The following PCDHA8 variants were observed in gnomAD, a reference collection of about 807,000 sequenced individuals.
PCDHA8 encodes the protein protocadherin alpha-8.
Under a neutral mutation model 61.8 loss-of-function variants are expected in PCDHA8, and 53 were observed. The ratio of observed to expected loss-of-function variants is 0.86; its 90% CI spans 0.69 to 1.08. The LOEUF (loss-of-function observed/expected upper bound fraction) is 1.08, where lower values mean the gene tolerates loss of function less well. Ranked by LOEUF, PCDHA8 falls within the 50% of genes least tolerant of loss-of-function variation. PCDHA8 has a pLI of 0.00. For missense variants in PCDHA8, 1,293 were observed against 1,245.0 expected (o/e 1.04, Z -0.58); for synonymous variants, 618 against 556.6 (o/e 1.11, Z -1.55).
chr5:140,875,009 G>A (rs1238943643), intron 1 of PCDHA8, among the ~76,000 whole-genome samples: 2 of 152,216 alleles, frequency 1.3e-5, no homozygotes, highest in Admixed American at 6.5e-5. Flanking sequence ...CCATGATAAA[G>A]TGTAGGTTCT....
At chr5:140,993,103 G>A (rs2097540365) in intron 3 of PCDHA8, among the ~76,000 whole-genome samples, 1 of 152,218 alleles carries the variant, frequency 6.6e-6, no homozygotes, top group East Asian at 1.9e-4. Context: ...TTTATTCAGC[G>A]GTCAGTGTCA....
intron 1 of PCDHA8, chr5:140,966,954 G>T (rs782541612): frequency 6.2e-7 from 1 of 1,601,606 alleles, no homozygotes; most frequent in Non-Finnish European, 8.5e-7. Flanking sequence ...AACGTGGCTC[G>T]CGCGCTGGGG....
chr5:140,882,562 G>A, intron 1 of PCDHA8: 1 of 1,614,252 alleles, frequency 6.2e-7, no homozygotes, highest in Non-Finnish European at 8.5e-7. Flanking sequence ...TGTGTGGGCG[G>A]AGCGCGGAGT....
intron 1 of PCDHA8, chr5:140,877,968 C>A: frequency 7.9e-7 from 1 of 1,272,970 alleles, no homozygotes; most frequent in Non-Finnish European, 1.0e-6. Context: ...CTTTCTTGGT[C>A]ATTCTTACTC....
chr5:140,863,564 A>G (rs1426185409), intron 1 of PCDHA8: 3 of 374,440 alleles, frequency 8.0e-6, no homozygotes, highest in Non-Finnish European at 1.6e-5. Context: ...ATTTTTGAGA[A>G]TATAAGTACT....
At chr5:140,875,516 T>G in intron 1 of PCDHA8, 1 of 1,613,976 alleles carries the variant, frequency 6.2e-7, no homozygotes, top group Non-Finnish European at 8.5e-7. Context: ...CAGCGTCTGC[T>G]GCTCTCGCTT....
intron 3 of PCDHA8, chr5:140,989,128 G>T (rs2097330831): frequency 1.3e-5 from 2 of 152,178 alleles, no homozygotes; most frequent in Non-Finnish European, 2.9e-5. Flanking sequence ...AGAAAAATAA[G>T]ACACTTTATC....
intron 1 of PCDHA8, among the ~76,000 whole-genome samples, chr5:140,891,891 A>G (rs1278331991): frequency 5.9e-5 from 9 of 152,214 alleles, no homozygotes; most frequent in Admixed American, 5.9e-4. Flanking sequence ...GTGACGATGC[A>G]GCAAGAAGAT....
Position 140,982,581 on chromosome 5 carries a change from C to T in PCDHA8, c.2542+18C>T, listed in dbSNP as rs782060139. On this transcript the variant is annotated intron_variant, in intron 3 of 3. Transcript: ENST00000531613. ...AACACCAGGTAAAGAGCTGGGGTCT[C>T]TCCATTCTTTCTTGGTTTCTGGAAA... 9 of 1,612,098 alleles carry T rather than the reference C, an allele frequency of 5.6e-6. No individual in the cohort carries two copies. The highest frequency in any genetic ancestry group is 4.0e-5 in the African/African-American group (3 of 74,892).
intron 1 of PCDHA8, chr5:140,869,322 C>G (rs1169893950): frequency 6.2e-7 from 1 of 1,613,820 alleles, no homozygotes; most frequent in Admixed American, 1.7e-5. Flanking sequence ...CACATGGGGA[C>G]CTTCTGGAGG....
chr5:140,858,142 G>A lies in PCDHA8; in HGVS notation c.2394+14427G>A, dbSNP rs782422253. 2.5e-6 allele frequency: 4 copies of A among 1,597,702 alleles called. No individual in the cohort carries two copies. The South Asian group carries it at 3.3e-5, about 13-fold the overall frequency. On this transcript the variant is annotated intron_variant, in intron 1 of 3. Transcript: ENST00000531613. The stretch of plus-strand genomic sequence containing the variant: ...CCCTGGTGGATGTCAACGTGTACCT[G>A]ATCATCGCCATCTGCGCGGTGTCCA...
At chr5:140,909,868 G>A (rs782144709) in intron 1 of PCDHA8, among the ~76,000 whole-genome samples, 9 of 152,136 alleles carry the variant, frequency 5.9e-5, no homozygotes, top group Non-Finnish European at 8.8e-5. Flanking sequence ...TGGAGTCAAC[G>A]TCAGCTTAGA....
At chr5:140,912,164 C>G (rs1554195175) in intron 1 of PCDHA8, among the ~76,000 whole-genome samples, 1 of 152,158 alleles carries the variant, frequency 6.6e-6, no homozygotes, top group Non-Finnish European at 1.5e-5. Flanking sequence ...TTTATTCTGG[C>G]TGTGCTGGCA....
Position 141,010,647 on chromosome 5 carries a change from GT to G in PCDHA8, c.*714del, listed in dbSNP as rs782752760. ...CATACCTGCAAGCCAACAGTTCAGT[GT>G]TTTAACAGAGAACCACCCTGGGAAA... On this transcript the variant is annotated 3_prime_UTR_variant, in exon 4 of 4. Coordinates refer to ENST00000531613, the MANE Select transcript of PCDHA8 (RefSeq NM_018911.3). 4.6e-5 allele frequency: 8 copies of G among 173,154 alleles called. No homozygotes were observed. Among genetic ancestry groups the G allele is most frequent in the Admixed American group, 1.2e-4 (2 of 16,978 alleles). 10.7% of individuals were successfully genotyped at this position (173,154 alleles called of 1,614,324 possible).
chr5:140,905,396 C>T (rs913640299), intron 1 of PCDHA8, among the ~76,000 whole-genome samples: 1 of 152,080 alleles, frequency 6.6e-6, no homozygotes, highest in Non-Finnish European at 1.5e-5. Flanking sequence ...GGTCTGTGTG[C>T]CTATTTTTAT....
chr5:140,868,762 A>G (rs2050634437), intron 1 of PCDHA8: 1 of 233,926 alleles, frequency 4.3e-6, no homozygotes, highest in African/African-American at 2.3e-5. Flanking sequence ...ATATATATTT[A>G]GTTTCAATAT....
chr5:140,964,087 G>T (rs2095809523), intron 1 of PCDHA8, among the ~76,000 whole-genome samples: 1 of 152,078 alleles, frequency 6.6e-6, no homozygotes, highest in African/African-American at 2.4e-5. Context: ...TTGTAGAAAG[G>T]GTAATTAACA....
At chr5:140,926,333 C>A (rs1244364456) in intron 1 of PCDHA8, 3 of 152,288 alleles carry the variant, frequency 2.0e-5, no homozygotes, top group African/African-American at 7.2e-5. Flanking sequence ...GGTCAGAGCG[C>A]CGGGACCCGA....
At chr5:140,861,304 A>G (rs1581606834) in intron 1 of PCDHA8, 1 of 189,694 alleles carries the variant, frequency 5.3e-6, no homozygotes, top group Non-Finnish European at 1.1e-5. Context: ...GTGAAGCGGG[A>G]AAGGACCAGT....
Sources: allele counts gnomAD v4.1 joint callset (sites outside exome capture counted in the v4.1 genomes callset), GRCh38; gene constraint gnomAD v4.1.1; transcripts MANE v1.5; gene names NCBI Gene and HGNC (gene_info 2026-07-23, HGNC 2026-07-21).